The following CHD2 variants were observed in gnomAD, a reference collection of about 807,000 sequenced individuals.
CHD2 encodes ATP-dependent chromatin remodeler CHD2.
In CHD2, 28 loss-of-function variants were observed where a neutral mutation model predicts 243.9. That is an observed-to-expected ratio of 0.11 (90% CI 0.09 to 0.16). The LOEUF is 0.16. Among genes scored for constraint, CHD2 ranks in the 10% least tolerant of loss-of-function variants. CHD2 has a pLI of 1.00. For synonymous variants in CHD2, 775 were observed against 779.0 expected, an observed-to-expected ratio of 0.99 and a Z score of 0.09; for missense variants, 1,386 against 2,209.8, an observed-to-expected ratio of 0.63 and a Z score of 7.47.
In CHD2 at chr15:92,928,935, G is replaced by A. The variant is rs548962922; in HGVS notation, c.382-95G>A. The A allele has an allele frequency of 2.0e-5, 23 of 1,137,496 alleles. 1 individual carries two copies. In the South Asian group the frequency reaches 3.3e-4, roughly 16 times the overall value. The allele number at this position is 1,137,496 out of a possible 1,614,324, so 70.5% of individuals were successfully genotyped here. On this transcript the variant is annotated intron_variant, in intron 4 of 38. Coordinates refer to ENST00000394196, the MANE Select transcript of CHD2 (RefSeq NM_001271.4). ...GTCTAAAAGCTCATATTGAATAATG[G>A]TATATTGAGTAGACTGTTGATCCAG... is the stretch of plus-strand genomic sequence containing the variant.
At chr15:93,015,014 C>T in intron 37 of CHD2, 105 bp downstream of exon 37, 1 of 829,876 alleles carries the variant, frequency 1.2e-6, no homozygotes, top group Non-Finnish European at 2.0e-6. Context: ...GCTTTATTAT[C>T]TTCTAACACT....
chr15:92,919,245 GTTTA>G (rs2052907103), intron 2 of CHD2, among the ~76,000 whole-genome samples: 1 of 150,846 alleles, frequency 6.6e-6, no homozygotes, highest in Non-Finnish European at 1.5e-5. Flanking sequence ...TCCATTTCCA[GTTTA>G]TTTAGTGATT....
intron 35 of CHD2, among the ~76,000 whole-genome samples, chr15:93,011,524 G>T (rs2054394152): frequency 6.6e-6 from 1 of 152,190 alleles, no homozygotes; most frequent in African/African-American, 2.4e-5. Flanking sequence ...CTTTAGACAG[G>T]AAGGTAAATG....
intron 16 of CHD2, among the ~76,000 whole-genome samples, chr15:92,962,949 C>T (rs1042580029): frequency 2.0e-5 from 3 of 152,164 alleles, no homozygotes; most frequent in Non-Finnish European, 2.9e-5. Context: ...TTTATTATAG[C>T]TCCTCAGCTC....
chr15:92,929,127 A>T (rs1408666043), intron 5 of CHD2, 36 bp downstream of exon 5: 1 of 1,568,762 alleles, frequency 6.4e-7, no homozygotes, highest in Non-Finnish European at 8.7e-7. Flanking sequence ...TCAATCTAGT[A>T]GTTTCAAACT....
intron 28 of CHD2, among the ~76,000 whole-genome samples, chr15:92,996,436 A>T (rs2388055): frequency 0.37 from 55,798 of 151,908 alleles, 11,305 homozygotes; most frequent in East Asian, 0.8. Flanking sequence ...CTAGGATTAC[A>T]GGTGTGAGCC....
At chr15:92,984,257 C>A in intron 24 of CHD2, 73 bp from the exon 25 acceptor site, 1 of 1,189,636 alleles carries the variant, frequency 8.4e-7, no homozygotes, top group Non-Finnish European at 1.1e-6. Flanking sequence ...TAGATAAAAA[C>A]ACTGGATAAA....
At chr15:92,925,953 T>C (rs1463287511) in intron 3 of CHD2, among the ~76,000 whole-genome samples, 2 of 152,174 alleles carry the variant, frequency 1.3e-5, no homozygotes, top group Non-Finnish European at 2.9e-5. Flanking sequence ...ATAATGTCCT[T>C]TCTTAGTGAC....
chr15:92,970,462 A>G (rs1372837438), intron 17 of CHD2, among the ~76,000 whole-genome samples: 1 of 152,164 alleles, frequency 6.6e-6, no homozygotes, highest in Non-Finnish European at 1.5e-5. Flanking sequence ...CGGCCTCCCA[A>G]AGTGCTGGGA....
chr15:92,955,575 C>T (rs1474838076), intron 15 of CHD2, 63 bp downstream of exon 15: 1 of 1,029,526 alleles, frequency 9.7e-7, no homozygotes, highest in African/African-American at 1.7e-5. Flanking sequence ...ATGGTAGGGT[C>T]TGTTACTGTT....
At chr15:93,000,486 AATC>A in intron 31 of CHD2, 23 bp from the exon 32 acceptor site, 1 of 1,595,212 alleles carries the variant, frequency 6.3e-7, no homozygotes, top group Non-Finnish European at 8.5e-7. Flanking sequence ...TTTGTATTTT[AATC>A]ATCATTTTCT....
chr15:92,957,697 TTTTA>T (rs1167903672), intron 16 of CHD2, among the ~76,000 whole-genome samples: 1 of 151,954 alleles, frequency 6.6e-6, no homozygotes, highest in Non-Finnish European at 1.5e-5. Flanking sequence ...TTACTTTTAT[TTTTA>T]TTTTTAAATT....
intron 12 of CHD2, 94 bp downstream of exon 12, chr15:92,946,310 AATG>A: frequency 1.0e-6 from 1 of 984,046 alleles, no homozygotes; most frequent in Non-Finnish European, 1.4e-6. Flanking sequence ...TACAAAATGA[AATG>A]ATGATTGCCA....
chr15:93,003,154 A>C (rs1195675183), intron 33 of CHD2, among the ~76,000 whole-genome samples: 1 of 152,160 alleles, frequency 6.6e-6, no homozygotes, highest in African/African-American at 2.4e-5. Flanking sequence ...GCATTGCGGC[A>C]TGTGCCTACG....
At chr15:92,969,116 A>C (rs942433343) in intron 17 of CHD2, among the ~76,000 whole-genome samples, 11 of 152,384 alleles carry the variant, frequency 7.2e-5, no homozygotes, top group African/African-American at 2.6e-4. Flanking sequence ...TAGTAACAAC[A>C]TGAATGTGTC....
chr15:92,992,782 G>A (rs1324664162), intron 27 of CHD2, 77 bp from the exon 28 acceptor site: 7 of 1,548,618 alleles, frequency 4.5e-6, no homozygotes, highest in African/African-American at 2.7e-5. Flanking sequence ...GATTATGTGA[G>A]GCCTAGTGGC....
intron 35 of CHD2, among the ~76,000 whole-genome samples, chr15:93,009,920 T>C (rs2141882409): frequency 6.6e-6 from 1 of 152,336 alleles, no homozygotes; most frequent in Admixed American, 6.5e-5. Context: ...AAACAGGTGG[T>C]GTTTGGTGAC....
At chr15:93,002,338 A>G in intron 33 of CHD2, 21 bp downstream of exon 33, 1 of 1,585,126 alleles carries the variant, frequency 6.3e-7, no homozygotes, top group Non-Finnish European at 8.5e-7. Flanking sequence ...CCTTCTGTTC[A>G]TGCAGATATC....
intron 20 of CHD2, 119 bp downstream of exon 20, chr15:92,975,069 G>A (rs1484989941): frequency 2.7e-6 from 2 of 753,984 alleles, no homozygotes; most frequent in Non-Finnish European, 4.3e-6. Flanking sequence ...TTTGCCTTGA[G>A]AAGAAAATGA....
Sources: gnomAD v4.1 joint callset for allele counts (sites outside exome capture counted in the v4.1 genomes callset) on GRCh38, gnomAD v4.1.1 for gene constraint, MANE v1.5 for transcripts, NCBI Gene and HGNC (gene_info 2026-07-23, HGNC 2026-07-21) for gene names.